The following PAMR1 variants were observed in gnomAD, a reference collection of about 807,000 sequenced individuals.
The protein encoded by PAMR1 is peptidase domain containing associated with muscle regeneration 1.
In PAMR1, 88 loss-of-function variants were observed where a neutral mutation model predicts 81.8. The ratio of observed to expected loss-of-function variants is 1.08; its 90% confidence interval spans 0.91 to 1.28. The LOEUF (loss-of-function observed/expected upper bound fraction) is 1.28. Ranked by LOEUF, PAMR1 falls within the 50% of genes most tolerant of loss-of-function variation. The pLI, the probability that PAMR1 is intolerant of heterozygous loss-of-function variation, is 0.00. For missense variants in PAMR1, 935 were observed against 919.7 expected (o/e 1.02, Z -0.21); for synonymous variants, 336 against 345.3 (o/e 0.97, Z 0.30).
chr11:35,492,267 G>T, intron 2 of PAMR1, 94 bp from the exon 3 acceptor site: 1 of 1,370,626 alleles, frequency 7.3e-7, no homozygotes, highest in Non-Finnish European at 1.0e-6. Context: ...TCAGGGCCCT[G>T]TCTCAACTAA....
chr11:35,454,773 G>C (rs1446572005), intron 6 of PAMR1, among the ~76,000 whole-genome samples: 1 of 152,190 alleles, frequency 6.6e-6, no homozygotes, highest in Non-Finnish European at 1.5e-5. Context: ...GAGTATGATT[G>C]GCCAAGCAAG....
intron 1 of PAMR1, among the ~76,000 whole-genome samples, chr11:35,506,395 T>A (rs542932008): frequency 1.8e-4 from 26 of 148,562 alleles, no homozygotes; most frequent in African/African-American, 6.2e-4. Context: ...TCAAAAAAAA[T>A]TTTTTTTGCA....
chr11:35,473,741 CT>C (rs1294423879), intron 4 of PAMR1, among the ~76,000 whole-genome samples: 7 of 152,158 alleles, frequency 4.6e-5, no homozygotes, highest in Non-Finnish European at 4.4e-5. Flanking sequence ...GTGGTAACCT[CT>C]GTGTCCATTT....
intron 1 of PAMR1, among the ~76,000 whole-genome samples, chr11:35,511,758 G>C (rs1348674892): frequency 6.6e-6 from 1 of 152,162 alleles, no homozygotes; most frequent in Non-Finnish European, 1.5e-5. Flanking sequence ...CTCATCTTGT[G>C]CTGTCTGAAT....
chr11:35,435,789 A>G, intron 9 of PAMR1, 114 bp downstream of exon 9: 2 of 746,938 alleles, frequency 2.7e-6, no homozygotes, highest in Admixed American at 2.4e-5. Context: ...TTCAGATATC[A>G]CCAAACTAGA....
chr11:35,485,412 A>G (rs1850479744), intron 3 of PAMR1, among the ~76,000 whole-genome samples: 1 of 152,188 alleles, frequency 6.6e-6, no homozygotes, highest in African/African-American at 2.4e-5. Context: ...AGAGTGGAGA[A>G]AGGTAGAAAG....
At chr11:35,439,838 T>C in intron 7 of PAMR1, 145 bp from the exon 8 acceptor site, 1 of 668,804 alleles carries the variant, frequency 1.5e-6, no homozygotes, top group Non-Finnish European at 2.7e-6. Context: ...TCAGCCAAGC[T>C]TGAACATCTC....
At chr11:35,465,762 G>C (rs1856745324) in intron 6 of PAMR1, among the ~76,000 whole-genome samples, 1 of 152,116 alleles carries the variant, frequency 6.6e-6, no homozygotes, top group South Asian at 2.1e-4. Context: ...TATGACTTTT[G>C]AACAATATTT....
chr11:35,478,015 T>G (rs1454910972), intron 3 of PAMR1, among the ~76,000 whole-genome samples: 7 of 152,200 alleles, frequency 4.6e-5, no homozygotes, highest in African/African-American at 1.7e-4. Context: ...CCTCAGGGAC[T>G]GGCAGCTTCC....
rs57375262 is a variant in PAMR1, at chr11:35,499,881, T to C, written c.74-5609A>G. On this transcript the variant is annotated intron_variant, in intron 1 of 10. Transcript: ENST00000619888. The stretch of plus-strand genomic sequence containing the variant: ...GAATTTTGAGATGAGAGGCATATGC[T>C]GTAATATCCAGGTGGAACCAATGTA... 7.4e-3 allele frequency among the ~76,000 whole-genome samples: 1,121 copies of C among 152,324 alleles called. 13 individuals carry two copies. The highest frequency in any genetic ancestry group is 0.026 in the African/African-American group (1,070 of 41,566).
intron 7 of PAMR1, among the ~76,000 whole-genome samples, chr11:35,441,208 C>A (rs560033485): frequency 6.6e-6 from 1 of 152,246 alleles, no homozygotes; most frequent in East Asian, 1.9e-4. Flanking sequence ...TTAAACTCAG[C>A]CCTGTCATCT....
At chr11:35,447,891 T>A (rs1856331033) in intron 6 of PAMR1, among the ~76,000 whole-genome samples, 1 of 152,216 alleles carries the variant, frequency 6.6e-6, no homozygotes, top group South Asian at 2.1e-4. Context: ...TTATTTCTCC[T>A]TCACTTATGA....
At chr11:35,502,320 A>G (rs1850863194) in intron 1 of PAMR1, among the ~76,000 whole-genome samples, 1 of 152,178 alleles carries the variant, frequency 6.6e-6, no homozygotes, top group South Asian at 2.1e-4. Flanking sequence ...ATAGGTAAAC[A>G]TGTGCCATGA....
At chr11:35,465,912 TA>T (rs1211215516) in intron 6 of PAMR1, among the ~76,000 whole-genome samples, 1 of 152,210 alleles carries the variant, frequency 6.6e-6, no homozygotes, top group Non-Finnish European at 1.5e-5. Flanking sequence ...CTTATTTTCT[TA>T]ATGGAATAAC....
intron 3 of PAMR1, among the ~76,000 whole-genome samples, chr11:35,475,449 C>A (rs890479061): frequency 6.6e-6 from 1 of 152,200 alleles, no homozygotes; most frequent in Non-Finnish European, 1.5e-5. Context: ...AAACCCTCCA[C>A]CCCGATCCTT....
At chr11:35,521,519 C>T (rs113257062) in intron 1 of PAMR1, among the ~76,000 whole-genome samples, 211 of 152,304 alleles carry the variant, frequency 1.4e-3, no homozygotes, top group African/African-American at 4.9e-3. Flanking sequence ...AGGTTCAAAA[C>T]ACTCTGAAGC....
intron 6 of PAMR1, among the ~76,000 whole-genome samples, chr11:35,452,985 T>C (rs1281984549): frequency 6.6e-6 from 1 of 152,194 alleles, no homozygotes; most frequent in Non-Finnish European, 1.5e-5. Context: ...AAGCGTATAG[T>C]AGGTGTTCAA....
chr11:35,437,692 C>T (rs1440239248), intron 8 of PAMR1, among the ~76,000 whole-genome samples: 2 of 152,244 alleles, frequency 1.3e-5, no homozygotes, highest in African/African-American at 2.4e-5. Context: ...ACTTGAGAAA[C>T]CCGGCACTTT....
At position 35,474,744 on chromosome 11, in the gene PAMR1, C is replaced by T. The variant is rs763160699; in HGVS notation, c.380G>A (p.Arg127Gln). The change falls in exon 4 of 11, where the codon CGA becomes CAA. Residue 127 changes from arginine to glutamine, a missense_variant and splice_region_variant. Transcript: ENST00000619888. Reference sequence around the variant, plus strand: ...TGGGGCTCGCAGAACCTGGCCACATCCTAAGAAAAGAAGAAAAGATTGGGA... The same window carrying T: ...TGGGGCTCGCAGAACCTGGCCACATTCTAAGAAAAGAAGAAAAGATTGGGA... ...RAGWYGGDCM[R>Q]CGQVLRAPKG... 5.0e-6 allele frequency: 8 copies of T among 1,599,838 alleles called. No individual in the cohort carries two copies. The highest frequency in any genetic ancestry group is 2.2e-5 in the East Asian group (1 of 44,560).
Sources: allele counts gnomAD v4.1 joint callset (sites outside exome capture counted in the v4.1 genomes callset), GRCh38; gene constraint gnomAD v4.1.1; transcripts MANE v1.5; gene names NCBI Gene and HGNC (gene_info 2026-07-23, HGNC 2026-07-21).